The following TRIM14 variants were observed in gnomAD, a reference collection of about 807,000 sequenced individuals.
TRIM14 encodes the protein tripartite motif-containing protein 14.
TRIM14 carries 28 observed loss-of-function variants against 44.5 expected under a neutral mutation model. That is an observed-to-expected ratio of 0.63 (90% CI 0.47 to 0.86). The LOEUF (loss-of-function observed/expected upper bound fraction) is 0.86, where lower values mean the gene tolerates loss of function less well. Ranked by LOEUF, TRIM14 falls within the 40% of genes least tolerant of loss-of-function variation. The probability of loss-of-function intolerance (pLI) is 0.00; values close to 1 mark genes in which losing one functional copy is unlikely to be tolerated. For synonymous variants in TRIM14, 299 were observed against 269.2 expected (o/e 1.11, Z -1.08); for missense variants, 607 against 611.1 (o/e 0.99, Z 0.07).
intron 2 of TRIM14, among the ~76,000 whole-genome samples, chr9:98,102,725 T>G (rs536527184): frequency 1.3e-5 from 2 of 152,192 alleles, no homozygotes; most frequent in East Asian, 3.9e-4. Flanking sequence ...AGTTTCTGTT[T>G]GGGATAATGA....
At chr9:98,082,979 T>G (rs1204538853), downstream of TRIM14, 2 of 1,614,014 alleles carry the variant, frequency 1.2e-6, no homozygotes, top group African/African-American at 2.7e-5. Flanking sequence ...GGCAAGAAGG[T>G]CCTGGTCACT....
Position 98,096,962 on chromosome 9 carries a change from G to A in TRIM14, c.538-1933C>T, listed in dbSNP as rs959496974. 2.6e-5 allele frequency among the ~76,000 whole-genome samples: 4 copies of A among 152,318 alleles called. No homozygotes were observed. In the East Asian group the frequency reaches 7.7e-4, roughly 29 times the overall value. ...ACCTCCCAGCTCTTTGGGAGGCCAA[G>A]GTGGGCAGATCACTTGAGGTCAAGA... is the stretch of plus-strand genomic sequence containing the variant. On this transcript the variant is annotated intron_variant, in intron 3 of 5. Transcript: ENST00000341469.
chr9:98,115,312 C>T (rs1324839177), intron 1 of TRIM14, among the ~76,000 whole-genome samples: 1 of 151,968 alleles, frequency 6.6e-6, no homozygotes, highest in Non-Finnish European at 1.5e-5. Context: ...TGCAGTGGCA[C>T]AATCTTGGCT....
the TRIM14 span, among the ~76,000 whole-genome samples, chr9:98,048,920 C>G: frequency 6.6e-6 from 1 of 150,852 alleles, no homozygotes; most frequent in Admixed American, 6.6e-5. Context: ...ACCTGGGAGG[C>G]GAGACAGGAG....
At position 98,100,009 on chromosome 9, in the gene TRIM14, C is replaced by T. The variant is rs1358888826; in HGVS notation, c.459G>A (p.Glu153=). ...VYREQADSCR[E]QLDIMNDLSN... is the part of the protein sequence containing the mutation. ...AGAGATCATTCATGATGTCAAGTTG[C>T]TCTCTGCAAGAGTCAGCTTGTTCCC... is the stretch of plus-strand genomic sequence containing the variant. The change falls in exon 3 of 6, where the codon GAG becomes GAA. Residue 153 remains glutamate, a synonymous_variant. Coordinates refer to ENST00000341469, the MANE Select transcript of TRIM14 (RefSeq NM_014788.4). 1.9e-6 allele frequency: 3 copies of T among 1,614,082 alleles called. No homozygotes were observed. The African/African-American group carries it at 4.0e-5, about 22-fold the overall frequency.
chr9:98,095,088 C>A lies in TRIM14; in HGVS notation c.538-59G>T, dbSNP rs1166812187. The stretch of plus-strand genomic sequence containing the variant: ...GGAGATGCAGGCAGCATCCCAGCCT[C>A]CTGTGCTGCACCCAGGAACAAACCC... On this transcript the variant is annotated intron_variant, in intron 3 of 5. Transcript: ENST00000341469. The surrounding 1 kb of genome is among the most constrained non-coding windows in gnomAD (Gnocchi z 4.1). 2 of 1,563,840 alleles carry A rather than the reference C, an allele frequency of 1.3e-6. No individual in the cohort carries two copies. Among genetic ancestry groups the A allele is most frequent in the African/African-American group, 2.7e-5 (2 of 74,128 alleles).
chr9:98,080,999 G>A, downstream of TRIM14: 1 of 1,614,230 alleles, frequency 6.2e-7, no homozygotes, highest in Non-Finnish European at 8.5e-7. Flanking sequence ...GGCCGAGCTG[G>A]TGCGGTCAGT....
chr9:98,085,086 G>T lies in TRIM14; in HGVS notation c.*2384C>A, dbSNP rs1350971464. On this transcript the variant is annotated 3_prime_UTR_variant, in exon 6 of 6. Transcript: ENST00000341469. ...TCTGCTACATGAATCCCAAATTTTT[G>T]AATCAAGTTCCCCTCTGGGCCATAA... 1.3e-5 allele frequency: 2 copies of T among 152,130 alleles called. No individual in the cohort carries two copies. Among genetic ancestry groups the T allele is most frequent in the Admixed American group, 6.5e-5 (1 of 15,274 alleles). The allele number at this position is 152,130 out of a possible 1,614,324, so 9.4% of individuals were successfully genotyped here. A position where few individuals can be genotyped will look rare whatever the true frequency, so the allele number is the denominator to read the frequency against.
chr9:98,108,509 C>T (rs1460256299), intron 2 of TRIM14, among the ~76,000 whole-genome samples: 1 of 152,088 alleles, frequency 6.6e-6, no homozygotes, highest in African/African-American at 2.4e-5. Flanking sequence ...CACATGGGTC[C>T]TAATTCTTGG....
chr9:98,118,911 C>A, intron 1 of TRIM14, 71 bp downstream of exon 1: 1 of 1,411,824 alleles, frequency 7.1e-7, no homozygotes, highest in Non-Finnish European at 9.2e-7. Context: ...GGCACGCCCC[C>A]TCCTCGGCCG....
At chr9:98,036,068 G>A in the TRIM14 span, among the ~76,000 whole-genome samples, 1 of 151,762 alleles carries the variant, frequency 6.6e-6, no homozygotes, top group African/African-American at 2.4e-5. Flanking sequence ...AATTAGCCAG[G>A]CGTGGTGGCA....
At chr9:98,042,277 T>G in the TRIM14 span, among the ~76,000 whole-genome samples, 1 of 129,658 alleles carries the variant, frequency 7.7e-6, no homozygotes, top group Non-Finnish European at 1.5e-5. Context: ...CAGGCGAACG[T>G]GCCAGACTCT....
At chr9:98,044,742 T>A in the TRIM14 span, among the ~76,000 whole-genome samples, 5 of 152,108 alleles carry the variant, frequency 3.3e-5, no homozygotes, top group Non-Finnish European at 7.4e-5. Flanking sequence ...AACAGTTCAG[T>A]TCCTCACTTA....
At chr9:98,083,051 C>T (rs1162321674), downstream of TRIM14, 1 of 1,613,924 alleles carries the variant, frequency 6.2e-7, no homozygotes, top group South Asian at 1.1e-5. Context: ...AAAATCAAGT[C>T]TTAAAAATAA....
At chr9:98,094,768 G>A (rs1826120450) in intron 4 of TRIM14, 99 bp downstream of exon 4, 2 of 1,420,952 alleles carry the variant, frequency 1.4e-6, no homozygotes, top group Non-Finnish European at 1.9e-6. Context: ...GCCTCAGTGT[G>A]GGAGAGACAG....
intron 2 of TRIM14, among the ~76,000 whole-genome samples, chr9:98,107,697 C>T (rs1034561033): frequency 2.6e-5 from 4 of 151,696 alleles, no homozygotes; most frequent in African/African-American, 7.3e-5. Flanking sequence ...GATGGAGTCT[C>T]GCTCTGTCAT....
downstream of TRIM14, among the ~76,000 whole-genome samples, chr9:98,068,983 A>G (rs1215036852): frequency 6.6e-6 from 1 of 152,218 alleles, no homozygotes; most frequent in African/African-American, 2.4e-5. Flanking sequence ...CTTTATTGGG[A>G]CATAATTCAT....
chr9:98,076,806 C>A, intron 6 of TRIM14: 1 of 775,834 alleles, frequency 1.3e-6, no homozygotes, highest in Non-Finnish European at 2.1e-6. Flanking sequence ...GCTGAGCGTC[C>A]CTCTACTGCC....
chr9:98,079,381 G>T (rs921293945), downstream of TRIM14, among the ~76,000 whole-genome samples: 1 of 152,062 alleles, frequency 6.6e-6, no homozygotes, highest in African/African-American at 2.4e-5. Flanking sequence ...TATTGCAGTT[G>T]TTTTCCTTTT....
Sources: gnomAD v4.1 joint callset for allele counts (sites outside exome capture counted in the v4.1 genomes callset) on GRCh38, gnomAD v4.1.1 for gene constraint, Gnocchi (gnomAD v3.1) non-coding constraint, MANE v1.5 for transcripts, NCBI Gene and HGNC (gene_info 2026-07-23, HGNC 2026-07-21) for gene names.